SLC25A14: variants seen among roughly 807,000 people sequenced by gnomAD.
SLC25A14 encodes brain mitochondrial carrier protein 1.
SLC25A14 carries 8 observed loss-of-function variants against 28.1 expected under a neutral mutation model. That is an observed-to-expected ratio of 0.28 (90% CI 0.17 to 0.51). SLC25A14 has a LOEUF of 0.51. SLC25A14 is among the 20% of genes least tolerant of loss of function. The pLI, the probability that SLC25A14 is intolerant of heterozygous loss-of-function variation, is 0.97. For synonymous variants in SLC25A14, 74 were observed against 90.6 expected (o/e 0.82, Z 1.04); for missense variants, 135 against 263.8 (o/e 0.51, Z 3.38).
At chrX:130,343,563 G>A (rs1220382010) in intron 2 of SLC25A14, among the ~76,000 whole-genome samples, 2 of 111,080 alleles carry the variant, frequency 1.8e-5, no homozygotes, top group Non-Finnish European at 3.8e-5. Context: ...TTTAATCAGC[G>A]TGTTTGCTAT....
intron 7 of SLC25A14, among the ~76,000 whole-genome samples, chrX:130,362,039 C>T (rs779467078): frequency 9.0e-6 from 1 of 111,043 alleles, no homozygotes; most frequent in African/African-American, 3.3e-5. Flanking sequence ...AGGCACCCTT[C>T]GGCTAGCCAG....
intron 7 of SLC25A14, among the ~76,000 whole-genome samples, chrX:130,360,394 A>G (rs998427406): frequency 9.0e-6 from 1 of 111,336 alleles, no homozygotes; most frequent in Non-Finnish European, 1.9e-5. Flanking sequence ...GGAGGCACAT[A>G]ATATTAGTTT....
chrX:130,340,382 T>TA (rs1247970675), intron 2 of SLC25A14, 29 bp downstream of exon 2: 20 of 1,207,495 alleles, frequency 1.7e-5, no homozygotes, highest in Non-Finnish European at 2.2e-5. Context: ...TGTATTAGTG[T>TA]AAGGGATACT....
intron 7 of SLC25A14, among the ~76,000 whole-genome samples, chrX:130,362,198 G>A (rs1362264012): frequency 3.7e-5 from 4 of 107,813 alleles, no homozygotes; most frequent in African/African-American, 6.8e-5. Flanking sequence ...GTGCAGTGGC[G>A]CGATCTCGGC....
chrX:130,362,122 TTTA>T (rs2033987123), intron 7 of SLC25A14, among the ~76,000 whole-genome samples: 1 of 104,681 alleles, frequency 9.6e-6, no homozygotes, highest in African/African-American at 3.5e-5. Context: ...TATTTATTTA[TTTA>T]TTTATTTATT....
intron 6 of SLC25A14, among the ~76,000 whole-genome samples, chrX:130,356,037 G>A (rs2033777016): frequency 9.0e-6 from 1 of 110,766 alleles, no homozygotes; most frequent in Non-Finnish European, 1.9e-5. Context: ...TGATCAGTGG[G>A]TTCAGGCGTG....
At chrX:130,372,467 T>G (rs59646405) in intron 10 of SLC25A14, among the ~76,000 whole-genome samples, 2 of 52,701 alleles carry the variant, frequency 3.8e-5, no homozygotes, top group Non-Finnish European at 1.0e-4. Flanking sequence ...TTATTTATTT[T>G]TATTTTTTTT....
At chrX:130,354,348 C>T (rs1436059308) in intron 6 of SLC25A14, among the ~76,000 whole-genome samples, 2 of 111,355 alleles carry the variant, frequency 1.8e-5, no homozygotes, top group African/African-American at 6.5e-5. Flanking sequence ...TTCCTGACCT[C>T]GTGATCCACC....
At chrX:130,349,222 G>C (rs1175467883) in intron 4 of SLC25A14, 29 bp from the exon 5 acceptor site, 4 of 1,008,704 alleles carry the variant, frequency 4.0e-6, no homozygotes, top group Non-Finnish European at 5.5e-6. Flanking sequence ...AAAATGTTGA[G>C]AATAACTTTT....
At chrX:130,371,896 G>A (rs1031424298) in intron 10 of SLC25A14, among the ~76,000 whole-genome samples, 4 of 112,225 alleles carry the variant, frequency 3.6e-5, no homozygotes, top group African/African-American at 6.5e-5. Context: ...TAATCTGGAA[G>A]GGGCTATGAA....
At chrX:130,357,953 C>T (rs895721852) in intron 6 of SLC25A14, among the ~76,000 whole-genome samples, 8 of 111,732 alleles carry the variant, frequency 7.2e-5, no homozygotes, top group African/African-American at 2.0e-4. Context: ...TTTATAATTA[C>T]GTAAGCAATG....
intron 6 of SLC25A14, among the ~76,000 whole-genome samples, chrX:130,356,017 A>T (rs2033776736): frequency 9.0e-6 from 1 of 110,855 alleles, no homozygotes; most frequent in Non-Finnish European, 1.9e-5. Flanking sequence ...CAATATAGGG[A>T]TGTTAAGGTT....
chrX:130,361,653 T>TA (rs1406400605), intron 7 of SLC25A14, among the ~76,000 whole-genome samples: 3 of 111,888 alleles, frequency 2.7e-5, no homozygotes, highest in Non-Finnish European at 5.6e-5. Context: ...AACTAGCACT[T>TA]ACCACAGAGT....
chrX:130,359,499 A>G (rs1203015062), intron 7 of SLC25A14, among the ~76,000 whole-genome samples: 1 of 110,280 alleles, frequency 9.1e-6, no homozygotes, highest in Non-Finnish European at 1.9e-5. Flanking sequence ...CCCACTGCCT[A>G]GAGATAATTT....
chrX:130,354,253 A>G (rs943679019), intron 6 of SLC25A14, among the ~76,000 whole-genome samples: 4 of 110,147 alleles, frequency 3.6e-5, no homozygotes, highest in Non-Finnish European at 7.6e-5. Context: ...AGCTGGGACT[A>G]CAGGCGCCCG....
At chrX:130,340,449 T>C in intron 2 of SLC25A14, 96 bp downstream of exon 2, 1 of 949,544 alleles carries the variant, frequency 1.1e-6, no homozygotes, top group East Asian at 3.2e-5. Context: ...GTCAAGGCAT[T>C]GAAGGCATCT....
chrX:130,371,948 A>G (rs2034272747), intron 10 of SLC25A14, among the ~76,000 whole-genome samples: 1 of 112,394 alleles, frequency 8.9e-6, no homozygotes, highest in Non-Finnish European at 1.9e-5. Context: ...AGGAAAGTCC[A>G]TGCTGAGGTG....
intron 1 of SLC25A14, 47 bp from the exon 2 acceptor site, chrX:130,340,060 C>T: frequency 2.1e-5 from 22 of 1,023,735 alleles, no homozygotes; most frequent in Middle Eastern, 4.0e-4. Context: ...GCCTGGTTCC[C>T]GGCCTGGGAG....
intron 2 of SLC25A14, among the ~76,000 whole-genome samples, chrX:130,342,883 A>AAAAGGACT (rs1427546659): frequency 1.8e-5 from 2 of 110,613 alleles, no homozygotes. Flanking sequence ...GAAAAAAAAA[A>AAAAGGACT]AAAGGACTAA....
Sources: allele counts gnomAD v4.1 joint callset (sites outside exome capture counted in the v4.1 genomes callset), GRCh38; gene constraint gnomAD v4.1.1; transcripts MANE v1.5; gene names NCBI Gene and HGNC (gene_info 2026-07-23, HGNC 2026-07-21).